Variants in WWOX observed in about 807,000 individuals in gnomAD.
WWOX encodes WW domain-containing oxidoreductase.
A neutral mutation model predicts 46.2 loss-of-function variants in WWOX; 69 were observed. The observed-to-expected ratio is 1.49, with a 90% CI of 1.23 to 1.82. WWOX has a LOEUF of 1.82. Among genes scored for constraint, WWOX ranks in the 40% most tolerant of loss-of-function variants. The pLI, the probability that WWOX is intolerant of heterozygous loss-of-function variation, is 0.00. For synonymous variants in WWOX, 359 were observed against 202.6 expected, an observed-to-expected ratio of 1.77 and a Z score of -6.56; for missense variants, 919 against 542.6, an observed-to-expected ratio of 1.69 and a Z score of -6.89.
chr16:79,100,812 G>A (rs978634224), intron 8 of WWOX, among the ~76,000 whole-genome samples: 1 of 151,980 alleles, frequency 6.6e-6, no homozygotes, highest in African/African-American at 2.4e-5. Flanking sequence ...GCATTTTCCA[G>A]TCTCCCCGTG....
Position 78,718,704 on chromosome 16 carries a change from C to A in WWOX, c.1056+285952C>A, listed in dbSNP as rs776233408. On this transcript the variant is annotated intron_variant, in intron 8 of 8. Transcript: ENST00000566780. Reference sequence around the variant, plus strand: ...GCCTGGCCAACATAGTGAGACACTACCTAGATAGCTTAGGAGAGTTCCAAT... The same window carrying A: ...GCCTGGCCAACATAGTGAGACACTAACTAGATAGCTTAGGAGAGTTCCAAT... 3.5e-4 allele frequency among the ~76,000 whole-genome samples: 53 copies of A among 151,992 alleles called. 1 individual carries two copies. Among genetic ancestry groups the A allele is most frequent in the Non-Finnish European group, 6.3e-4 (43 of 67,980 alleles).
chr16:78,615,940 C>A (rs1310278317), intron 8 of WWOX, among the ~76,000 whole-genome samples: 1 of 152,034 alleles, frequency 6.6e-6, no homozygotes, highest in African/African-American at 2.4e-5. Flanking sequence ...TTAGTAGAGA[C>A]AGGGTTTCAC....
intron 8 of WWOX, among the ~76,000 whole-genome samples, chr16:78,754,957 C>T (rs1274339721): frequency 6.6e-6 from 1 of 151,168 alleles, no homozygotes; most frequent in Non-Finnish European, 1.5e-5. Flanking sequence ...AAAGAGCCAG[C>T]CATTTATACT....
chr16:78,547,901 C>A (rs2044079706), intron 8 of WWOX, among the ~76,000 whole-genome samples: 1 of 152,174 alleles, frequency 6.6e-6, no homozygotes, highest in Non-Finnish European at 1.5e-5. Context: ...CCTGTAATCC[C>A]AGCACTTTGG....
intron 8 of WWOX, among the ~76,000 whole-genome samples, chr16:78,720,047 G>A (rs1035652927): frequency 3.3e-5 from 5 of 152,138 alleles, no homozygotes; most frequent in Admixed American, 1.3e-4. Context: ...TGAAATGACT[G>A]TTTTCAGAAA....
chr16:78,653,766 C>G (rs574340240), intron 8 of WWOX, among the ~76,000 whole-genome samples: 17 of 152,342 alleles, frequency 1.1e-4, no homozygotes, highest in African/African-American at 3.8e-4. Context: ...ATGAAATAAG[C>G]TGTTAGTTTG....
In WWOX at chr16:78,784,043, T is replaced by C. The variant is rs141225954; in HGVS notation, c.1056+351291T>C. On this transcript the variant is annotated intron_variant, in intron 8 of 8. Coordinates refer to ENST00000566780, the MANE Select transcript of WWOX (RefSeq NM_016373.4). ...ATGTTGATGATAATGATGATGATAGTGATGATGATATCAACAGATACCATG... is the reference window on the plus strand; with the variant it reads ...ATGTTGATGATAATGATGATGATAGCGATGATGATATCAACAGATACCATG... 5.9e-5 allele frequency among the ~76,000 whole-genome samples: 9 copies of C among 152,208 alleles called. No homozygotes were observed. The South Asian group carries it at 6.2e-4, about 11-fold the overall frequency.
intron 8 of WWOX, among the ~76,000 whole-genome samples, chr16:78,614,477 C>G (rs1022457837): frequency 6.6e-6 from 1 of 152,240 alleles, no homozygotes; most frequent in Non-Finnish European, 1.5e-5. Context: ...GTCCTCTGGG[C>G]CAGCCCAGAT....
chr16:78,742,762 C>T (rs1464644417), intron 8 of WWOX, among the ~76,000 whole-genome samples: 3 of 152,150 alleles, frequency 2.0e-5, no homozygotes, highest in African/African-American at 4.8e-5. Flanking sequence ...TGTGAGTTTC[C>T]ATCCATCAAC....
At chr16:78,544,588 A>T in intron 8 of WWOX, among the ~76,000 whole-genome samples, 1 of 152,202 alleles carries the variant, frequency 6.6e-6, no homozygotes, top group Admixed American at 6.5e-5. Context: ...AAATGAGATG[A>T]TTGAAAATGA....
chr16:78,366,904 G>C (rs1030081376), intron 5 of WWOX, among the ~76,000 whole-genome samples: 7 of 151,036 alleles, frequency 4.6e-5, no homozygotes, highest in Non-Finnish European at 8.8e-5. Flanking sequence ...TCCAAAGCCT[G>C]GGGGGTGGAT....
chr16:78,695,589 A>T (rs550448887), intron 8 of WWOX, among the ~76,000 whole-genome samples: 1 of 152,248 alleles, frequency 6.6e-6, no homozygotes, highest in East Asian at 1.9e-4. Context: ...GATCAGAGAG[A>T]GCAGAGCCAT....
chr16:79,181,171 G>A (rs951884187), intron 8 of WWOX, among the ~76,000 whole-genome samples: 2 of 152,150 alleles, frequency 1.3e-5, no homozygotes, highest in African/African-American at 4.8e-5. Flanking sequence ...TGCACTATAG[G>A]AGTGGAATGT....
At chr16:78,572,538 G>C (rs906527629) in intron 8 of WWOX, among the ~76,000 whole-genome samples, 6 of 147,918 alleles carry the variant, frequency 4.1e-5, no homozygotes, top group Non-Finnish European at 7.4e-5. Context: ...GGAAGGTCGA[G>C]GCTGCAGTGA....
At chr16:78,596,478 G>T (rs569236533) in intron 8 of WWOX, among the ~76,000 whole-genome samples, 2 of 150,336 alleles carry the variant, frequency 1.3e-5, no homozygotes, top group Admixed American at 6.6e-5. Context: ...CCAGCAGGGC[G>T]TATCAGGGGT....
At chr16:78,211,878 CCAGGCTCTGTCATTAA>C (rs1226839136) in intron 5 of WWOX, among the ~76,000 whole-genome samples, 1 of 152,172 alleles carries the variant, frequency 6.6e-6, no homozygotes, top group Non-Finnish European at 1.5e-5. Flanking sequence ...AGGTTCAAAT[CCAGGCTCTGTCATTAA>C]CTGCCCCTAC....
intron 8 of WWOX, among the ~76,000 whole-genome samples, chr16:79,021,044 T>C (rs370741423): frequency 2.6e-5 from 4 of 152,278 alleles, no homozygotes; most frequent in Non-Finnish European, 1.5e-5. Context: ...TCAAAAAGTT[T>C]TCAGGGAGAG....
chr16:78,914,347 C>T (rs2045190963), intron 8 of WWOX, among the ~76,000 whole-genome samples: 1 of 152,040 alleles, frequency 6.6e-6, no homozygotes. Flanking sequence ...GCACTTAGAA[C>T]AGTACCTGGC....
At chr16:78,937,037 C>G (rs1310762329) in intron 8 of WWOX, among the ~76,000 whole-genome samples, 2 of 152,022 alleles carry the variant, frequency 1.3e-5, no homozygotes, top group East Asian at 3.9e-4. Context: ...TAAACCTGGT[C>G]CTGGAAAATT....
Sources: allele counts gnomAD v4.1 joint callset (sites outside exome capture counted in the v4.1 genomes callset), GRCh38; gene constraint gnomAD v4.1.1; transcripts MANE v1.5; gene names NCBI Gene and HGNC (gene_info 2026-07-23, HGNC 2026-07-21).